Variants in ADGRA3 observed in about 807,000 individuals in gnomAD.
ADGRA3 encodes the protein G-protein coupled receptor 125.
In ADGRA3, 56 loss-of-function variants were observed where a neutral mutation model predicts 119.8. That is an observed-to-expected ratio of 0.47 (90% CI 0.38 to 0.58). The LOEUF is 0.58. ADGRA3 is among the 20% of genes least tolerant of loss of function. ADGRA3 has a pLI of 0.00. For synonymous variants in ADGRA3, 607 were observed against 623.8 expected, an observed-to-expected ratio of 0.97 and a Z score of 0.40; for missense variants, 1,516 against 1,649.0, an observed-to-expected ratio of 0.92 and a Z score of 1.40.
At chr4:22,504,920 C>T (rs1252378948) in intron 1 of ADGRA3, among the ~76,000 whole-genome samples, 1 of 152,104 alleles carries the variant, frequency 6.6e-6, no homozygotes, top group Non-Finnish European at 1.5e-5. Context: ...GTGGTCCAAG[C>T]ATCTGAACTT....
In ADGRA3 at chr4:22,387,663, A is replaced by T; in HGVS notation, c.*42T>A. ...GCTCATAGCTTCAAGGAATGTGAGT[A>T]TCACAGTTTATATGAATTTCTGCCT... On this transcript the variant is annotated 3_prime_UTR_variant, in exon 19 of 19. Transcript: ENST00000334304. 1.3e-6 allele frequency: 2 copies of T among 1,542,588 alleles called. No homozygotes were observed. The highest frequency in any genetic ancestry group is 1.8e-6 in the Non-Finnish European group (2 of 1,142,008).
chr4:22,416,559 C>G (rs1225895257), intron 12 of ADGRA3, among the ~76,000 whole-genome samples: 1 of 152,044 alleles, frequency 6.6e-6, no homozygotes, highest in Non-Finnish European at 1.5e-5. Context: ...GGATCAGGAC[C>G]ATGACAAGCA....
chr4:22,450,895 T>C (rs1373664303), intron 4 of ADGRA3, among the ~76,000 whole-genome samples: 1 of 149,376 alleles, frequency 6.7e-6, no homozygotes, highest in Non-Finnish European at 1.5e-5. Context: ...AGAGCATTTT[T>C]AAAGCTCTGT....
intron 1 of ADGRA3, among the ~76,000 whole-genome samples, chr4:22,514,792 T>A (rs536043941): frequency 1.4e-4 from 22 of 152,148 alleles, no homozygotes; most frequent in Non-Finnish European, 2.9e-4. Flanking sequence ...CCAGCACAAG[T>A]GAGTTACCAA....
intron 16 of ADGRA3, chr4:22,393,799 T>C (rs557961257): frequency 3.9e-5 from 6 of 152,304 alleles, no homozygotes; most frequent in African/African-American, 9.6e-5. Context: ...CTCAATTTAA[T>C]AGTAGAAAAT....
chr4:22,392,540 G>C lies in ADGRA3; in HGVS notation c.2627+5C>G, dbSNP rs1340244248. On this transcript the variant is annotated splice_donor_5th_base_variant and intron_variant, in intron 17 of 18. Transcript: ENST00000334304. Reference sequence around the variant, plus strand: ...AACAATTAATACAACAAAGATATGAGATACCTGAGCATTGGTCTTGGTGGA... The same window carrying C: ...AACAATTAATACAACAAAGATATGACATACCTGAGCATTGGTCTTGGTGGA... 6 of 1,612,984 alleles carry C rather than the reference G, an allele frequency of 3.7e-6. No individual in the cohort carries two copies. The highest frequency in any genetic ancestry group is 3.3e-5 in the South Asian group (3 of 90,926).
At chr4:22,454,975 T>C (rs1208575289) in intron 3 of ADGRA3, 38 bp from the exon 4 acceptor site, 1 of 1,476,180 alleles carries the variant, frequency 6.8e-7, no homozygotes, top group South Asian at 1.1e-5. Flanking sequence ...CAATTAGTTC[T>C]CTTGGTTAAA....
At chr4:22,499,068 T>C (rs1016239487) in intron 1 of ADGRA3, among the ~76,000 whole-genome samples, 1 of 152,182 alleles carries the variant, frequency 6.6e-6, no homozygotes, top group Admixed American at 6.5e-5. Context: ...GCAAAGATCA[T>C]GAAGCAGGCA....
intron 14 of ADGRA3, among the ~76,000 whole-genome samples, chr4:22,409,610 A>C (rs1209391985): frequency 6.6e-6 from 1 of 152,170 alleles, no homozygotes; most frequent in Non-Finnish European, 1.5e-5. Flanking sequence ...CTGAATGTAT[A>C]TAAAGACATC....
At chr4:22,406,949 T>TA (rs1269075470) in intron 14 of ADGRA3, among the ~76,000 whole-genome samples, 6 of 152,012 alleles carry the variant, frequency 3.9e-5, no homozygotes, top group African/African-American at 1.2e-4. Flanking sequence ...TTCCCACCTT[T>TA]AAAAAAATCT....
At chr4:22,500,893 A>T (rs1441060879) in intron 1 of ADGRA3, among the ~76,000 whole-genome samples, 1 of 152,122 alleles carries the variant, frequency 6.6e-6, no homozygotes, top group Non-Finnish European at 1.5e-5. Context: ...CTTCCAATAC[A>T]CTGAGGGCCT....
At chr4:22,498,516 GC>G (rs1157933673) in intron 1 of ADGRA3, among the ~76,000 whole-genome samples, 2 of 121,094 alleles carry the variant, frequency 1.7e-5, no homozygotes, top group Non-Finnish European at 4.0e-5. Context: ...TACTCGGGAA[GC>G]TGAGGGAGAA....
intron 1 of ADGRA3, among the ~76,000 whole-genome samples, chr4:22,497,714 T>TCGGGAAGC (rs1718888349): frequency 7.0e-6 from 1 of 143,798 alleles, no homozygotes; most frequent in Non-Finnish European, 1.5e-5. Context: ...TCCCAGCTAC[T>TCGGGAAGC]TGAGGCGTAC....
At chr4:22,471,158 A>G (rs1717847656) in intron 2 of ADGRA3, among the ~76,000 whole-genome samples, 1 of 152,174 alleles carries the variant, frequency 6.6e-6, no homozygotes, top group African/African-American at 2.4e-5. Context: ...CCAGGGCCAG[A>G]GCAGAGCAGC....
At chr4:22,476,068 T>C (rs1315802106) in intron 1 of ADGRA3, among the ~76,000 whole-genome samples, 1 of 152,192 alleles carries the variant, frequency 6.6e-6, no homozygotes, top group African/African-American at 2.4e-5. Context: ...TCTTCAATCA[T>C]TGGAATGAAG....
rs540976419 is a variant in ADGRA3, at chr4:22,456,864, A to G, written c.402-1927T>C. On this transcript the variant is annotated intron_variant, in intron 3 of 18. Transcript: ENST00000334304. ...ATTTGATAAAAGAATCTTAAGCAAT[A>G]TAAGTCTTTATCTGTCCTCGTTTTT... Among the ~76,000 whole-genome samples, 7 of 152,322 alleles carry G rather than the reference A, an allele frequency of 4.6e-5. No individual in the cohort carries two copies. The East Asian group carries it at 1.4e-3, about 29-fold the overall frequency.
intron 17 of ADGRA3, 58 bp downstream of exon 17, chr4:22,392,487 A>G: frequency 6.3e-7 from 1 of 1,584,740 alleles, no homozygotes; most frequent in South Asian, 1.1e-5. Flanking sequence ...GTTATAATTT[A>G]TGATTATGCT....
intron 3 of ADGRA3, among the ~76,000 whole-genome samples, chr4:22,457,110 A>G (rs1187708836): frequency 1.3e-5 from 2 of 152,176 alleles, no homozygotes; most frequent in Non-Finnish European, 2.9e-5. Flanking sequence ...CATTACAGCT[A>G]TACCTACTTA....
chr4:22,395,512 T>C (rs1846731), intron 16 of ADGRA3, among the ~76,000 whole-genome samples: 128,401 of 152,170 alleles, frequency 0.84, 54,437 homozygotes, highest in East Asian at 0.96. Context: ...TCTTGAGATA[T>C]GAAAACAGAG....
Sources: gnomAD v4.1 joint callset for allele counts (sites outside exome capture counted in the v4.1 genomes callset) on GRCh38, gnomAD v4.1.1 for gene constraint, MANE v1.5 for transcripts, NCBI Gene and HGNC (gene_info 2026-07-23, HGNC 2026-07-21) for gene names.